Variants in KIAA0232 observed in about 807,000 individuals in gnomAD.
The protein encoded by KIAA0232 is KIAA0232.
In KIAA0232, 27 loss-of-function variants were observed where a neutral mutation model predicts 122.0. The ratio of observed to expected loss-of-function variants is 0.22; its 90% CI spans 0.16 to 0.31. KIAA0232 has a LOEUF of 0.31. KIAA0232 is among the 10% of genes least tolerant of loss of function. The probability of loss-of-function intolerance (pLI) is 1.00; values close to 1 mark genes in which losing one functional copy is unlikely to be tolerated. For missense variants in KIAA0232, 1,551 were observed against 1,634.2 expected, an observed-to-expected ratio of 0.95 and a Z score of 0.88; for synonymous variants, 613 against 587.6, an observed-to-expected ratio of 1.04 and a Z score of -0.63.
intron 3 of KIAA0232, among the ~76,000 whole-genome samples, chr4:6,828,171 A>T (rs909088987): frequency 5.3e-5 from 8 of 152,080 alleles, no homozygotes; most frequent in South Asian, 2.1e-4. Context: ...AATCTTTTTT[A>T]AAAAAGTTTA....
intron 2 of KIAA0232, among the ~76,000 whole-genome samples, chr4:6,805,664 G>A (rs1320135949): frequency 6.6e-6 from 1 of 152,092 alleles, no homozygotes. Flanking sequence ...AGGACCAACA[G>A]TATCACATTG....
In KIAA0232 at chr4:6,863,787, T is replaced by G; in HGVS notation, c.3405T>G (p.Ile1135Met). 2 of 1,614,174 alleles carry G rather than the reference T, an allele frequency of 1.2e-6. No individual in the cohort carries two copies. Among genetic ancestry groups the G allele is most frequent in the Non-Finnish European group, 1.7e-6 (2 of 1,180,036 alleles). ...EFESEKDEAN[I>M]PIPSQVDIFE... ...AATCTGAGAAAGATGAAGCAAATAT[T>G]CCCATTCCTTCTCAAGTTGATATAT... The change falls in exon 7 of 10, where the codon ATT becomes ATG. Residue 1135 changes from isoleucine to methionine, a missense_variant. By Grantham distance (10) the Ile-to-Met change is conservative. Around this residue, in one of 5 missense-constraint regions of KIAA0232, gnomAD observed 1,108 missense variants for 1,154.8 expected, o/e 0.96. Coordinates refer to ENST00000307659, the MANE Select transcript of KIAA0232 (RefSeq NM_014743.3).
At chr4:6,807,921 A>G (rs1020416026) in intron 2 of KIAA0232, among the ~76,000 whole-genome samples, 4 of 152,194 alleles carry the variant, frequency 2.6e-5, no homozygotes, top group African/African-American at 9.7e-5. Context: ...TACAAAAATT[A>G]GCTAGGTGTG....
intron 1 of KIAA0232, among the ~76,000 whole-genome samples, chr4:6,791,780 C>CT (rs1359408268): frequency 6.6e-6 from 1 of 152,100 alleles, no homozygotes; most frequent in East Asian, 1.9e-4. Context: ...AAACACTAAA[C>CT]TTTGTATCTT....
chr4:6,850,807 C>T (rs1166156892), intron 4 of KIAA0232, among the ~76,000 whole-genome samples: 1 of 151,956 alleles, frequency 6.6e-6, no homozygotes, highest in Non-Finnish European at 1.5e-5. Flanking sequence ...GTAGCTGGGA[C>T]TACAGGCACA....
At chr4:6,849,351 G>T (rs1174179380) in intron 4 of KIAA0232, among the ~76,000 whole-genome samples, 2 of 152,242 alleles carry the variant, frequency 1.3e-5, no homozygotes, top group Non-Finnish European at 2.9e-5. Flanking sequence ...GCCCGGCACA[G>T]TGGCTCATGC....
intron 6 of KIAA0232, among the ~76,000 whole-genome samples, 193 bp downstream of exon 6, chr4:6,858,699 T>C (rs1720691231): frequency 6.6e-6 from 1 of 152,238 alleles, no homozygotes; most frequent in Non-Finnish European, 1.5e-5. Flanking sequence ...TCCTTGGTGT[T>C]CATATTCAAT....
intron 2 of KIAA0232, among the ~76,000 whole-genome samples, chr4:6,816,779 A>C (rs1718148221): frequency 6.6e-6 from 1 of 152,190 alleles, no homozygotes. Flanking sequence ...TTCCCTTTAT[A>C]GATATAGGAC....
At chr4:6,806,746 A>G (rs1717633362) in intron 2 of KIAA0232, among the ~76,000 whole-genome samples, 3 of 147,112 alleles carry the variant, frequency 2.0e-5, no homozygotes, top group African/African-American at 7.9e-5. Flanking sequence ...TCAAAAAAAA[A>G]AAAAAAAAAA....
At chr4:6,786,788 A>G (rs1394697712) in intron 1 of KIAA0232, among the ~76,000 whole-genome samples, 1 of 152,172 alleles carries the variant, frequency 6.6e-6, no homozygotes, top group Non-Finnish European at 1.5e-5. Context: ...TTGTATCTAA[A>G]CTTGTAGGGT....
In KIAA0232 at chr4:6,863,628, T is replaced by G; in HGVS notation, c.3246T>G (p.Ser1082Arg). ...PKSILCSDSD[S>R]EVFHPRICGV... ...CAATCCTCTGTTCTGATTCAGACAG[T>G]GAAGTGTTTCACCCCAGGATATGTG... Residue 1082 changes from serine to arginine, a missense_variant, in exon 7 of 10, where the codon AGT (serine) becomes AGG (arginine). This residue lies in a region of KIAA0232 where 1,108 missense variants were observed against 1,154.8 expected (regional missense o/e 0.96). Transcript: ENST00000307659. The G allele has an allele frequency of 6.2e-7, 1 of 1,614,176 alleles. No homozygotes were observed. Among genetic ancestry groups the G allele is most frequent in the East Asian group, 2.2e-5 (1 of 44,888 alleles).
At chr4:6,819,196 T>G (rs1473571081) in intron 2 of KIAA0232, among the ~76,000 whole-genome samples, 2 of 151,988 alleles carry the variant, frequency 1.3e-5, no homozygotes, top group Non-Finnish European at 2.9e-5. Context: ...CAAAAGCAAT[T>G]GCAACAAAAA....
chr4:6,791,053 G>T (rs1254416329), intron 1 of KIAA0232, among the ~76,000 whole-genome samples: 1 of 150,310 alleles, frequency 6.7e-6, no homozygotes, highest in Non-Finnish European at 1.5e-5. Flanking sequence ...TGAGTACCTG[G>T]GACTACAGGT....
intron 3 of KIAA0232, among the ~76,000 whole-genome samples, chr4:6,841,198 A>G (rs796385195): frequency 5.9e-5 from 9 of 152,336 alleles, no homozygotes; most frequent in African/African-American, 2.2e-4. Flanking sequence ...AAAAGTTAAA[A>G]CAAGAAGTGA....
chr4:6,840,840 A>G (rs1365179171), intron 3 of KIAA0232, among the ~76,000 whole-genome samples: 1 of 152,088 alleles, frequency 6.6e-6, no homozygotes, highest in East Asian at 1.9e-4. Flanking sequence ...TTAATAGTAC[A>G]GGATAGGAGA....
chr4:6,849,861 C>G (rs1236899781), intron 4 of KIAA0232, among the ~76,000 whole-genome samples: 1 of 152,062 alleles, frequency 6.6e-6, no homozygotes, highest in African/African-American at 2.4e-5. Context: ...ATATGAGATG[C>G]CTCCTAGGAG....
At chr4:6,808,639 A>G (rs1407349819) in intron 2 of KIAA0232, among the ~76,000 whole-genome samples, 1 of 151,892 alleles carries the variant, frequency 6.6e-6, no homozygotes, top group African/African-American at 2.4e-5. Context: ...CCTTGTACAC[A>G]AGAAACCTCT....
chr4:6,819,791 G>A (rs1718331812), intron 2 of KIAA0232, among the ~76,000 whole-genome samples: 1 of 152,050 alleles, frequency 6.6e-6, no homozygotes, highest in South Asian at 2.1e-4. Flanking sequence ...AAAGACACAT[G>A]TACTCATATG....
Position 6,837,669 on chromosome 4 carries a change from C to T in KIAA0232, c.232-4398C>T, listed in dbSNP as rs574079060. Reference sequence around the variant, plus strand: ...GACTCCGTCTGCAATCCCGGCACCTCGGGAGGCCGAAGCTGGCAGATCACT... The same window carrying T: ...GACTCCGTCTGCAATCCCGGCACCTTGGGAGGCCGAAGCTGGCAGATCACT... On this transcript the variant is annotated intron_variant, in intron 3 of 9. Transcript: ENST00000307659. Among the ~76,000 whole-genome samples, 12 of 152,192 alleles carry T rather than the reference C, an allele frequency of 7.9e-5. No individual in the cohort carries two copies. The South Asian group carries it at 8.3e-4, about 11-fold the overall frequency.
Sources: allele counts gnomAD v4.1 joint callset (sites outside exome capture counted in the v4.1 genomes callset), GRCh38; gene constraint gnomAD v4.1.1; regional missense constraint gnomAD v4.1.1; transcripts MANE v1.5; gene names NCBI Gene and HGNC (gene_info 2026-07-23, HGNC 2026-07-21).